The following CCSER1 variants were observed in gnomAD, a reference collection of about 807,000 sequenced individuals.
The protein encoded by CCSER1 is coiled-coil serine rich protein 1, also known as serine-rich coiled-coil domain-containing protein 1.
In CCSER1, 41 loss-of-function variants were observed where a neutral mutation model predicts 82.0. That is an observed-to-expected ratio of 0.50 (90% CI 0.39 to 0.65). The LOEUF is 0.65. Among genes scored for constraint, CCSER1 ranks in the 30% least tolerant of loss-of-function variants. The pLI is 0.00. For synonymous variants in CCSER1, 414 were observed against 383.9 expected (o/e 1.08, Z -0.92); for missense variants, 1,119 against 1,064.2 (o/e 1.05, Z -0.72).
intron 1 of CCSER1, among the ~76,000 whole-genome samples, chr4:90,188,508 T>C (rs564712118): frequency 1.3e-3 from 102 of 75,672 alleles, no homozygotes; most frequent in African/African-American, 0.011. Flanking sequence ...AAACCAATTA[T>C]TTTCTGGACT....
chr4:90,563,434 C>T (rs752613340), intron 5 of CCSER1, among the ~76,000 whole-genome samples: 6 of 152,058 alleles, frequency 3.9e-5, no homozygotes, highest in African/African-American at 7.2e-5. Flanking sequence ...TTTTGACCAA[C>T]GTCTTCTCCC....
chr4:90,725,217 A>T (rs1324178295), intron 7 of CCSER1, among the ~76,000 whole-genome samples: 1 of 151,778 alleles, frequency 6.6e-6, no homozygotes. Flanking sequence ...TTTTAATTGA[A>T]TTCTCAAAAC....
intron 9 of CCSER1, among the ~76,000 whole-genome samples, chr4:91,041,195 C>T (rs1033576982): frequency 1.3e-5 from 2 of 152,092 alleles, no homozygotes; most frequent in African/African-American, 2.4e-5. Flanking sequence ...TTTTGTGTGG[C>T]ACCATCAGTC....
intron 7 of CCSER1, among the ~76,000 whole-genome samples, chr4:90,795,506 T>A (rs1203420743): frequency 6.6e-6 from 1 of 152,146 alleles, no homozygotes; most frequent in Non-Finnish European, 1.5e-5. Context: ...TGCCTGATTA[T>A]CCTGGCCAGG....
At position 90,747,466 on chromosome 4, in the gene CCSER1, A is replaced by C. The variant is rs1193510907; in HGVS notation, c.2010+23475A>C. Among the ~76,000 whole-genome samples the C allele has an allele frequency of 4.6e-5, 7 of 152,166 alleles. No individual in the cohort carries two copies. The East Asian group carries it at 1.4e-3, about 29-fold the overall frequency. On this transcript the variant is annotated intron_variant, in intron 7 of 10. Coordinates refer to ENST00000509176, the MANE Select transcript of CCSER1 (RefSeq NM_001145065.2). ...TCTGCCTGGAGGGGATAAACTGCGGAGCTAGGCTGAGAGCAGAGAAAAAAA... is the reference window on the plus strand; with the variant it reads ...TCTGCCTGGAGGGGATAAACTGCGGCGCTAGGCTGAGAGCAGAGAAAAAAA...
chr4:90,931,592 C>T (rs1479268047), intron 9 of CCSER1, among the ~76,000 whole-genome samples: 1 of 152,154 alleles, frequency 6.6e-6, no homozygotes, highest in Admixed American at 6.5e-5. Flanking sequence ...TCACAGTACA[C>T]TAGCTCATGG....
intron 6 of CCSER1, among the ~76,000 whole-genome samples, chr4:90,631,388 A>G (rs150815823): frequency 6.4e-4 from 98 of 152,304 alleles, no homozygotes; most frequent in African/African-American, 2.2e-3. Context: ...CAATGCATTC[A>G]TGATATTTTT....
chr4:91,534,637 A>G (rs1761206707), intron 10 of CCSER1, among the ~76,000 whole-genome samples: 2 of 152,014 alleles, frequency 1.3e-5, no homozygotes, highest in African/African-American at 4.8e-5. Flanking sequence ...TATTGTTGCT[A>G]TTATTAAGCT....
At chr4:91,459,444 C>T (rs1199775961) in intron 10 of CCSER1, among the ~76,000 whole-genome samples, 1 of 152,004 alleles carries the variant, frequency 6.6e-6, no homozygotes, top group Non-Finnish European at 1.5e-5. Context: ...TACCACCTAG[C>T]AAGAGGACAG....
At chr4:91,529,448 A>C (rs1760919003) in intron 10 of CCSER1, among the ~76,000 whole-genome samples, 1 of 152,096 alleles carries the variant, frequency 6.6e-6, no homozygotes, top group African/African-American at 2.4e-5. Flanking sequence ...AATGGAAATT[A>C]ATTTAATTGG....
At chr4:91,325,937 G>T (rs1049474974) in intron 10 of CCSER1, among the ~76,000 whole-genome samples, 6 of 151,724 alleles carry the variant, frequency 4.0e-5, no homozygotes, top group Non-Finnish European at 8.8e-5. Context: ...AATTAGAAAT[G>T]AACGTCCATC....
At chr4:90,415,850 C>T (rs946008187) in intron 4 of CCSER1, among the ~76,000 whole-genome samples, 2 of 152,180 alleles carry the variant, frequency 1.3e-5, no homozygotes, top group Non-Finnish European at 2.9e-5. Flanking sequence ...TAAAAGAGGG[C>T]TAAAACACAT....
At chr4:90,738,613 G>T (rs1318915694) in intron 7 of CCSER1, among the ~76,000 whole-genome samples, 1 of 152,086 alleles carries the variant, frequency 6.6e-6, no homozygotes, top group Non-Finnish European at 1.5e-5. Context: ...GACCTCCCAA[G>T]GCCCACTATG....
chr4:90,477,227 T>C (rs1270580665), intron 5 of CCSER1, among the ~76,000 whole-genome samples: 1 of 152,198 alleles, frequency 6.6e-6, no homozygotes, highest in Non-Finnish European at 1.5e-5. Flanking sequence ...TTTCTACTTT[T>C]CCCCTTCCAG....
At chr4:90,235,600 CTTAG>C (rs1745636649) in intron 1 of CCSER1, among the ~76,000 whole-genome samples, 1 of 152,018 alleles carries the variant, frequency 6.6e-6, no homozygotes, top group Non-Finnish European at 1.5e-5. Context: ...TAAATTTATA[CTTAG>C]TTATCTGTGC....
At chr4:91,329,054 C>T (rs1746766281) in intron 10 of CCSER1, among the ~76,000 whole-genome samples, 1 of 152,162 alleles carries the variant, frequency 6.6e-6, no homozygotes, top group South Asian at 2.1e-4. Context: ...GTCAATTAAA[C>T]CTCTTTCCTT....
At chr4:91,170,129 A>G (rs1732599334) in intron 10 of CCSER1, among the ~76,000 whole-genome samples, 2 of 152,216 alleles carry the variant, frequency 1.3e-5, no homozygotes, top group Non-Finnish European at 2.9e-5. Context: ...GGAGGAGCTA[A>G]AAGATCTGAC....
At chr4:90,399,362 A>T (rs1465235547) in intron 3 of CCSER1, among the ~76,000 whole-genome samples, 2 of 152,096 alleles carry the variant, frequency 1.3e-5, no homozygotes, top group Non-Finnish European at 2.9e-5. Flanking sequence ...TCAATAATTA[A>T]TTTTAATCGA....
At chr4:90,359,803 TA>T in intron 3 of CCSER1, among the ~76,000 whole-genome samples, 1 of 151,134 alleles carries the variant, frequency 6.6e-6, no homozygotes, top group Non-Finnish European at 1.5e-5. Context: ...AGATAACTTG[TA>T]AAAACTTTAT....
Sources: gnomAD v4.1 joint callset for allele counts (sites outside exome capture counted in the v4.1 genomes callset) on GRCh38, gnomAD v4.1.1 for gene constraint, MANE v1.5 for transcripts, NCBI Gene and HGNC (gene_info 2026-07-23, HGNC 2026-07-21) for gene names.